Variants in CNTNAP3B observed in about 807,000 individuals in gnomAD.
CNTNAP3B encodes contactin-associated protein-like 3B.
CNTNAP3B carries 25 observed loss-of-function variants against 108.9 expected under a neutral mutation model. The ratio of observed to expected loss-of-function variants is 0.23; its 90% CI spans 0.17 to 0.32. The LOEUF (loss-of-function observed/expected upper bound fraction) is 0.32. CNTNAP3B is among the 10% of genes least tolerant of loss of function. The pLI, the probability that CNTNAP3B is intolerant of heterozygous loss-of-function variation, is 1.00. For missense variants in CNTNAP3B, 252 were observed against 1,210.4 expected (o/e 0.21, Z 11.75); for synonymous variants, 103 against 473.4 (o/e 0.22, Z 10.16).
At chr9:41,974,510 T>A (rs1231207731) in intron 9 of CNTNAP3B, 1 of 296,800 alleles carries the variant, frequency 3.4e-6, no homozygotes, top group Non-Finnish European at 5.9e-6. Flanking sequence ...ACAGTGCAGC[T>A]CTTGCCAGTC....
chr9:42,060,071 G>A (rs1453743004), intron 3 of CNTNAP3B, among the ~76,000 whole-genome samples: 1 of 148,384 alleles, frequency 6.7e-6, no homozygotes, highest in African/African-American at 2.5e-5. Context: ...GTTGAAAGAA[G>A]TGGTGATAGT....
intron 18 of CNTNAP3B, among the ~76,000 whole-genome samples, chr9:41,917,928 G>T (rs1588037743): frequency 1.3e-5 from 2 of 152,426 alleles, no homozygotes; most frequent in South Asian, 4.1e-4. Flanking sequence ...GAGGTGCAGG[G>T]AGAGGGTCTT....
intron 3 of CNTNAP3B, among the ~76,000 whole-genome samples, chr9:42,042,186 C>T (rs1166669972): frequency 7.9e-6 from 1 of 126,524 alleles, no homozygotes; most frequent in Non-Finnish European, 1.7e-5. Context: ...ACATATGTAA[C>T]AAACCTGCTA....
intron 3 of CNTNAP3B, among the ~76,000 whole-genome samples, chr9:42,030,784 G>GAGAGAGAGAA (rs1491152084): frequency 1.2e-5 from 1 of 86,244 alleles, no homozygotes; most frequent in Admixed American, 1.1e-4. Flanking sequence ...GAGAGAGAGA[G>GAGAGAGAGAA]ATGTGTGCGA....
At chr9:41,924,352 C>T (rs1442310649) in intron 15 of CNTNAP3B, among the ~76,000 whole-genome samples, 5 of 152,418 alleles carry the variant, frequency 3.3e-5, no homozygotes, top group Admixed American at 2.0e-4. Context: ...CAGGGGATCG[C>T]GCAGCAACAC....
chr9:42,061,317 CT>C (rs57755649), intron 3 of CNTNAP3B, among the ~76,000 whole-genome samples: 3,126 of 92,862 alleles, frequency 0.034, 73 homozygotes, highest in African/African-American at 0.094. Flanking sequence ...TTTTCTTTTT[CT>C]TTTTTTTTTT....
chr9:41,991,239 C>T (rs1446183648), intron 8 of CNTNAP3B, among the ~76,000 whole-genome samples: 7 of 89,372 alleles, frequency 7.8e-5, no homozygotes, highest in African/African-American at 2.2e-4. Context: ...AGCGGCAGGG[C>T]GGAGAAGGGA....
intron 15 of CNTNAP3B, among the ~76,000 whole-genome samples, chr9:41,926,423 A>G (rs893714607): frequency 6.9e-6 from 1 of 145,872 alleles, no homozygotes; most frequent in Non-Finnish European, 1.6e-5. Context: ...AGTTTTACAG[A>G]AGAGAATATT....
At chr9:42,112,026 T>G (rs1483076299) in intron 1 of CNTNAP3B, among the ~76,000 whole-genome samples, 1 of 139,120 alleles carries the variant, frequency 7.2e-6, no homozygotes, top group Non-Finnish European at 1.5e-5. Flanking sequence ...GGCATTCAAT[T>G]CCTTCCATCA....
chr9:41,935,326 G>A (rs1824123407), intron 14 of CNTNAP3B, among the ~76,000 whole-genome samples: 1 of 152,196 alleles, frequency 6.6e-6, no homozygotes, highest in East Asian at 1.9e-4. Context: ...AATACTGCCT[G>A]CCCCATTAAC....
At chr9:42,030,806 A>T (rs1826507585) in intron 3 of CNTNAP3B, among the ~76,000 whole-genome samples, 3 of 87,592 alleles carry the variant, frequency 3.4e-5, no homozygotes, top group African/African-American at 1.0e-4. Flanking sequence ...AGAGAGAGAG[A>T]GAGAGAGGAG....
At chr9:42,020,571 C>T (rs1241838943) in intron 3 of CNTNAP3B, among the ~76,000 whole-genome samples, 1 of 146,162 alleles carries the variant, frequency 6.8e-6, no homozygotes, top group East Asian at 2.0e-4. Context: ...CAACAACCAG[C>T]CTCGTTCTGG....
chr9:42,094,742 G>T (rs1827866898), intron 2 of CNTNAP3B, among the ~76,000 whole-genome samples: 1 of 89,446 alleles, frequency 1.1e-5, no homozygotes, highest in Admixed American at 1.2e-4. Context: ...AGAAGGAGGA[G>T]GAAGGGAGGG....
chr9:41,948,243 C>A (rs1347685948), intron 13 of CNTNAP3B, among the ~76,000 whole-genome samples: 1 of 146,278 alleles, frequency 6.8e-6, no homozygotes, highest in Non-Finnish European at 1.5e-5. Context: ...AGGTGTGTGC[C>A]ACCACACCCA....
At chr9:41,959,447 G>A (rs1824990256) in intron 12 of CNTNAP3B, among the ~76,000 whole-genome samples, 3 of 152,296 alleles carry the variant, frequency 2.0e-5, no homozygotes, top group African/African-American at 7.2e-5. Context: ...TTTGTCAGTA[G>A]ATACTTCCCT....
chr9:41,990,594 G>A (rs1564168861), intron 8 of CNTNAP3B, among the ~76,000 whole-genome samples: 1 of 130,436 alleles, frequency 7.7e-6, no homozygotes, highest in East Asian at 2.5e-4. Flanking sequence ...ATCTTTTTTT[G>A]AGTATGATAT....
chr9:41,930,507 CACTCCAGCCTGGGTGGCA>C (rs1159470052), intron 14 of CNTNAP3B, among the ~76,000 whole-genome samples: 1 of 151,986 alleles, frequency 6.6e-6, no homozygotes, highest in African/African-American at 2.4e-5. Context: ...TGCAACACTG[CACTCCAGCCTGGGTGGCA>C]AAGTGAGACC....
chr9:41,997,408 A>G (rs1361049082), intron 6 of CNTNAP3B, among the ~76,000 whole-genome samples, 160 bp downstream of exon 6: 1 of 152,172 alleles, frequency 6.6e-6, no homozygotes, highest in Non-Finnish European at 1.5e-5. Flanking sequence ...ATTATAATAA[A>G]CTGACCTATT....
intron 13 of CNTNAP3B, among the ~76,000 whole-genome samples, chr9:41,944,022 GA>G (rs1339499848): frequency 1.3e-5 from 2 of 151,968 alleles, no homozygotes; most frequent in Non-Finnish European, 2.9e-5. Context: ...ATGCAAGCAA[GA>G]AGAAAGTGAA....
Sources: gnomAD v4.1 joint callset for allele counts (sites outside exome capture counted in the v4.1 genomes callset) on GRCh38, gnomAD v4.1.1 for gene constraint, MANE v1.5 for transcripts, NCBI Gene and HGNC (gene_info 2026-07-23, HGNC 2026-07-21) for gene names.